The following POU6F2 variants were observed in gnomAD, a reference collection of about 807,000 sequenced individuals.
POU6F2 encodes POU domain, class 6, transcription factor 2.
POU6F2 carries 31 observed loss-of-function variants against 71.3 expected under a neutral mutation model. The observed-to-expected ratio is 0.43, with a 90% CI of 0.33 to 0.59. The LOEUF (loss-of-function observed/expected upper bound fraction) is 0.59, where lower values mean the gene tolerates loss of function less well. Among genes scored for constraint, POU6F2 ranks in the 20% least tolerant of loss-of-function variants. POU6F2 has a pLI of 0.04. For synonymous variants in POU6F2, 347 were observed against 355.7 expected (o/e 0.98, Z 0.27); for missense variants, 783 against 856.8 (o/e 0.91, Z 1.07).
intron 7 of POU6F2, among the ~76,000 whole-genome samples, chr7:39,445,030 C>CAAT (rs1055361918): frequency 1.3e-5 from 2 of 152,156 alleles, no homozygotes; most frequent in African/African-American, 4.8e-5. Context: ...TGAAGGCACT[C>CAAT]AATTTTTCCT....
intron 6 of POU6F2, among the ~76,000 whole-genome samples, chr7:39,432,104 C>G (rs2116025110): frequency 6.6e-6 from 1 of 152,296 alleles, no homozygotes; most frequent in Admixed American, 6.5e-5. Context: ...GTCTCTATGT[C>G]CAGATTCTAT....
intron 4 of POU6F2, among the ~76,000 whole-genome samples, chr7:39,322,930 C>T (rs1785425512): frequency 6.6e-6 from 1 of 152,120 alleles, no homozygotes; most frequent in East Asian, 1.9e-4. Context: ...CAGAAATTCT[C>T]CAGTGGTATC....
intron 1 of POU6F2, among the ~76,000 whole-genome samples, chr7:39,049,272 G>A (rs1790358023): frequency 6.6e-6 from 1 of 151,828 alleles, no homozygotes; most frequent in South Asian, 2.1e-4. Context: ...GTTAGCTAAA[G>A]AGGAAGCTTG....
At chr7:39,242,967 G>T (rs1783753808) in intron 4 of POU6F2, among the ~76,000 whole-genome samples, 1 of 152,082 alleles carries the variant, frequency 6.6e-6, no homozygotes, top group South Asian at 2.1e-4. Context: ...ACATCTGGAG[G>T]ATTGGAACTC....
intron 4 of POU6F2, among the ~76,000 whole-genome samples, chr7:39,283,058 CT>C (rs1474300966): frequency 6.6e-6 from 1 of 151,966 alleles, no homozygotes; most frequent in African/African-American, 2.4e-5. Flanking sequence ...AACGGGATTG[CT>C]TTCTTGACTT....
chr7:39,012,518 T>C (rs1789322704), intron 1 of POU6F2, among the ~76,000 whole-genome samples: 1 of 151,744 alleles, frequency 6.6e-6, no homozygotes. Flanking sequence ...CCTTCTTCTC[T>C]CAGCTCATCA....
At chr7:39,459,755 G>A (rs1788900966) in intron 8 of POU6F2, among the ~76,000 whole-genome samples, 11 of 152,090 alleles carry the variant, frequency 7.2e-5, no homozygotes, top group Admixed American at 7.2e-4. Context: ...CTCCAGCTTG[G>A]TGTACGCTTT....
intron 2 of POU6F2, among the ~76,000 whole-genome samples, chr7:39,098,975 C>G (rs1791515290): frequency 6.6e-6 from 1 of 152,208 alleles, no homozygotes; most frequent in African/African-American, 2.4e-5. Flanking sequence ...TCCTCCTGAT[C>G]AAAGAAAGGT....
At chr7:39,189,555 C>T (rs1038742476) in intron 2 of POU6F2, among the ~76,000 whole-genome samples, 11 of 150,490 alleles carry the variant, frequency 7.3e-5, no homozygotes, top group African/African-American at 2.0e-4. Context: ...CGTGCCACCA[C>T]GCCCAGCTAA....
intron 4 of POU6F2, among the ~76,000 whole-genome samples, chr7:39,230,470 T>G (rs1239062700): frequency 6.7e-6 from 1 of 149,730 alleles, no homozygotes; most frequent in East Asian, 2.0e-4. Context: ...GGTGACAGCA[T>G]AAGACCCTGT....
intron 2 of POU6F2, among the ~76,000 whole-genome samples, chr7:39,177,964 A>T (rs1209604790): frequency 1.3e-5 from 2 of 152,154 alleles, no homozygotes; most frequent in Non-Finnish European, 2.9e-5. Context: ...TAAGCTTTAA[A>T]ACTTTCTTCA....
At chr7:39,067,287 T>A (rs1790776811) in intron 1 of POU6F2, among the ~76,000 whole-genome samples, 1 of 151,494 alleles carries the variant, frequency 6.6e-6, no homozygotes, top group Non-Finnish European at 1.5e-5. Flanking sequence ...CCCATTCAAA[T>A]TCCAGAGACT....
At chr7:39,433,866 GTC>G (rs1788167250) in intron 7 of POU6F2, among the ~76,000 whole-genome samples, 1 of 152,196 alleles carries the variant, frequency 6.6e-6, no homozygotes, top group Non-Finnish European at 1.5e-5. Context: ...CTCATGGAGT[GTC>G]TGGTTAATTG....
At chr7:38,981,238 T>G (rs1033373571) in intron 1 of POU6F2, among the ~76,000 whole-genome samples, 1 of 152,242 alleles carries the variant, frequency 6.6e-6, no homozygotes, top group African/African-American at 2.4e-5. Flanking sequence ...AGACTTGCAT[T>G]TCCATCTCTT....
At chr7:39,126,119 T>TA (rs1221905629) in intron 2 of POU6F2, among the ~76,000 whole-genome samples, 2 of 152,198 alleles carry the variant, frequency 1.3e-5, no homozygotes, top group Non-Finnish European at 2.9e-5. Context: ...TATCAGCTCT[T>TA]ACACGAGACA....
chr7:39,191,717 C>T (rs936881311), intron 2 of POU6F2, among the ~76,000 whole-genome samples: 35 of 152,162 alleles, frequency 2.3e-4, no homozygotes, highest in Non-Finnish European at 8.8e-5. Flanking sequence ...CAAAATAATG[C>T]TTTGCTAAAA....
chr7:39,044,674 G>A (rs1790253860), intron 1 of POU6F2, among the ~76,000 whole-genome samples: 1 of 151,990 alleles, frequency 6.6e-6, no homozygotes, highest in Non-Finnish European at 1.5e-5. Context: ...GGTTGTTGTG[G>A]TTAGCACAGG....
chr7:39,112,767 A>G (rs1791845383), intron 2 of POU6F2, among the ~76,000 whole-genome samples: 1 of 152,196 alleles, frequency 6.6e-6, no homozygotes, highest in East Asian at 1.9e-4. Context: ...AGGCTTGGCT[A>G]CGTAGCTATA....
chr7:39,294,187 A>G (rs926298070), intron 4 of POU6F2, among the ~76,000 whole-genome samples: 1 of 151,710 alleles, frequency 6.6e-6, no homozygotes. Context: ...ACCTGAAACC[A>G]TGATGGCAAC....
Sources: gnomAD v4.1 joint callset for allele counts (sites outside exome capture counted in the v4.1 genomes callset) on GRCh38, gnomAD v4.1.1 for gene constraint, MANE v1.5 for transcripts, NCBI Gene and HGNC (gene_info 2026-07-23, HGNC 2026-07-21) for gene names.